LRP2: variants seen among roughly 807,000 people sequenced by gnomAD.
LRP2 encodes LDL receptor related protein 2.
Under a neutral mutation model 531.0 loss-of-function variants are expected in LRP2, and 172 were observed. That is an observed-to-expected ratio of 0.32 (90% CI 0.29 to 0.37). The LOEUF (loss-of-function observed/expected upper bound fraction) is 0.37, where lower values mean the gene tolerates loss of function less well. LRP2 is among the 10% of genes least tolerant of loss of function. The pLI is 1.00. For missense variants in LRP2, 5,167 were observed against 5,868.3 expected (o/e 0.88, Z 3.90); for synonymous variants, 1,992 against 2,027.6 (o/e 0.98, Z 0.47).
chr2:169,323,968 C>T (rs758133309), intron 1 of LRP2, among the ~76,000 whole-genome samples: 19 of 152,016 alleles, frequency 1.2e-4, no homozygotes, highest in Non-Finnish European at 2.1e-4. Context: ...AAGGAACCAT[C>T]GGAACCAAAT....
intron 1 of LRP2, among the ~76,000 whole-genome samples, chr2:169,333,500 C>CGAAG (rs1395486960): frequency 1.8e-5 from 2 of 111,092 alleles, no homozygotes; most frequent in Non-Finnish European, 3.3e-5. Context: ...AAGGAAGGAA[C>CGAAG]GAAGGAAGGA....
At chr2:169,186,898 T>A (rs934842589) in intron 49 of LRP2, among the ~76,000 whole-genome samples, 1 of 152,224 alleles carries the variant, frequency 6.6e-6, no homozygotes, top group Admixed American at 6.5e-5. Flanking sequence ...TGGGAATCTA[T>A]ATGAATTAGG....
intron 76 of LRP2, 40 bp downstream of exon 76, chr2:169,137,352 G>A (rs1002760709): frequency 2.2e-5 from 29 of 1,318,956 alleles, no homozygotes; most frequent in Non-Finnish European, 3.0e-5. Context: ...AAGATCCAGC[G>A]ACAGCAGTAA....
intron 22 of LRP2, among the ~76,000 whole-genome samples, chr2:169,243,773 C>T (rs951138200): frequency 6.6e-6 from 1 of 152,146 alleles, no homozygotes; most frequent in African/African-American, 2.4e-5. Context: ...AAATAGACCA[C>T]ATTCAGAAAG....
chr2:169,189,503 G>T (rs1433204975), intron 48 of LRP2, among the ~76,000 whole-genome samples: 1 of 152,154 alleles, frequency 6.6e-6, no homozygotes, highest in African/African-American at 2.4e-5. Context: ...GGAAAAACAA[G>T]TCATCAAGCA....
At chr2:169,244,665 A>G in intron 22 of LRP2, 28 bp downstream of exon 22, 1 of 1,614,168 alleles carries the variant, frequency 6.2e-7, no homozygotes, top group Non-Finnish European at 8.5e-7. Context: ...GAGGCTGACC[A>G]ACCAAGGGAA....
intron 55 of LRP2, among the ~76,000 whole-genome samples, chr2:169,174,720 G>C (rs1687124560): frequency 6.6e-6 from 1 of 151,706 alleles, no homozygotes; most frequent in Non-Finnish European, 1.5e-5. Flanking sequence ...ATGTTGCCTA[G>C]GCTGGTGTTG....
intron 9 of LRP2, among the ~76,000 whole-genome samples, chr2:169,286,939 A>G (rs577869677): frequency 1.3e-5 from 2 of 152,198 alleles, no homozygotes; most frequent in South Asian, 2.1e-4. Context: ...CTAAAGAACT[A>G]AAAGGCTGGG....
Position 169,187,960 on chromosome 2 carries a change from T to C in LRP2, c.9328+10A>G, listed in dbSNP as rs1215133866. On this transcript the variant is annotated intron_variant, in intron 49 of 78. Coordinates refer to ENST00000649046, the MANE Select transcript of LRP2 (RefSeq NM_004525.3). Reference sequence around the variant, plus strand: ...CTGTTTCCTTTTCCCAAATCCTCTGTTGTACTCACCACAGCCTTTCTCATC... The same window carrying C: ...CTGTTTCCTTTTCCCAAATCCTCTGCTGTACTCACCACAGCCTTTCTCATC... 6.2e-7 allele frequency: 1 copy of C among 1,614,000 alleles called. No homozygotes were observed. Among genetic ancestry groups the C allele is most frequent in the South Asian group, 1.1e-5 (1 of 91,064 alleles).
intron 65 of LRP2, 122 bp downstream of exon 65, chr2:169,156,152 A>G (rs1686323121): frequency 7.4e-7 from 1 of 1,347,022 alleles, no homozygotes; most frequent in Admixed American, 1.9e-5. Context: ...GCAGCTGGCG[A>G]GTTTAAAAAA....
rs749102664 is a variant in LRP2, at chr2:169,241,284, C to G, written c.3749G>C (p.Cys1250Ser). Reference protein sequence around the residue: ...DGICIPNFWECDGHPDCLYGS... With the variant: ...DGICIPNFWESDGHPDCLYGS... ...ATAGAGGCAGTCTGGATGCCCATCA[C>G]ATTCCCAGAAGTTCGGGATGCAGAT... Residue 1250 changes from cysteine (C) to serine (S), a missense_variant, in exon 25 of 79, where the codon TGT becomes TCT. Cys to Ser is a moderately radical substitution (Grantham distance 112, BLOSUM62 -1). Transcript: ENST00000649046. The G allele has an allele frequency of 6.2e-7, 1 of 1,614,208 alleles. No individual in the cohort carries two copies. Among genetic ancestry groups the G allele is most frequent in the Non-Finnish European group, 8.5e-7 (1 of 1,180,026 alleles).
chr2:169,295,448 G>A (rs1365775450), intron 4 of LRP2, among the ~76,000 whole-genome samples: 1 of 152,178 alleles, frequency 6.6e-6, no homozygotes, highest in Non-Finnish European at 1.5e-5. Context: ...TGGTTTTCTA[G>A]GTCACAGTTG....
rs566147042 is a variant in LRP2, at chr2:169,172,196, T to C, written c.11144-62A>G. ...TGGCAGAGAAATGCACAAAGTAGTATTGGCTTCCTTGTGAGACAGTCTGAG... is the reference window on the plus strand; with the variant it reads ...TGGCAGAGAAATGCACAAAGTAGTACTGGCTTCCTTGTGAGACAGTCTGAG... On this transcript the variant is annotated intron_variant, in intron 57 of 78. Coordinates refer to ENST00000649046, the MANE Select transcript of LRP2 (RefSeq NM_004525.3). The C allele has an allele frequency of 1.7e-4, 277 of 1,596,066 alleles. No individual in the cohort carries two copies. The African/African-American group carries it at 3.4e-3, about 20-fold the overall frequency.
chr2:169,338,398 A>G (rs1184217596), intron 1 of LRP2, among the ~76,000 whole-genome samples: 1 of 125,048 alleles, frequency 8.0e-6, no homozygotes, highest in Non-Finnish European at 1.7e-5. Context: ...GAAAGAAAGA[A>G]AGAAAGAAAG....
intron 4 of LRP2, among the ~76,000 whole-genome samples, chr2:169,299,143 GAA>G (rs1238608621): frequency 0.21 from 10,507 of 49,258 alleles, 1,059 homozygotes; most frequent in East Asian, 0.27. Flanking sequence ...AAGAAAGAAA[GAA>G]AGAAAGAAAG....
chr2:169,309,448 C>T (rs1005193857), intron 3 of LRP2, among the ~76,000 whole-genome samples: 1 of 152,192 alleles, frequency 6.6e-6, no homozygotes, highest in Non-Finnish European at 1.5e-5. Context: ...ATATGGCTAG[C>T]CAGTTTTCCC....
intron 74 of LRP2, 85 bp from the exon 75 acceptor site, chr2:169,138,791 C>T (rs1574063557): frequency 6.8e-7 from 1 of 1,464,462 alleles, no homozygotes; most frequent in East Asian, 2.3e-5. Flanking sequence ...CAATAGTACC[C>T]TCTCCTCCAC....
intron 25 of LRP2, among the ~76,000 whole-genome samples, 170 bp from the exon 26 acceptor site, chr2:169,239,945 T>C (rs1392416289): frequency 1.3e-5 from 2 of 152,204 alleles, no homozygotes; most frequent in Non-Finnish European, 2.9e-5. Context: ...GTTCAGGGTT[T>C]GCTCTAATTT....
chr2:169,339,298 T>C (rs1183496278), intron 1 of LRP2, among the ~76,000 whole-genome samples: 1 of 152,170 alleles, frequency 6.6e-6, no homozygotes, highest in South Asian at 2.1e-4. Context: ...ACATTATTAC[T>C]TCTCTTCCCA....
Sources: gnomAD v4.1 joint callset for allele counts (sites outside exome capture counted in the v4.1 genomes callset) on GRCh38, gnomAD v4.1.1 for gene constraint, MANE v1.5 for transcripts, NCBI Gene and HGNC (gene_info 2026-07-23, HGNC 2026-07-21) for gene names.